Variants in ABTB3 observed in about 807,000 individuals in gnomAD.
ABTB3 encodes ankyrin repeat and BTB domain containing 3, also known as ankyrin repeat- and BTB/POZ domain-containing protein 3.
chr12:107,657,643 C>T, the ABTB3 span: 3 of 1,614,186 alleles, frequency 1.9e-6, no homozygotes, highest in Non-Finnish European at 2.5e-6. Context: ...AGGATGTGCT[C>T]CAGGACTTAC....
chr12:107,442,419 A>G, the ABTB3 span, among the ~76,000 whole-genome samples: 1 of 152,198 alleles, frequency 6.6e-6, no homozygotes, highest in Non-Finnish European at 1.5e-5. Context: ...TGGAAACCGA[A>G]CATTTTTTCG....
At chr12:107,461,560 T>C in the ABTB3 span, among the ~76,000 whole-genome samples, 1 of 93,082 alleles carries the variant, frequency 1.1e-5, no homozygotes, top group African/African-American at 4.4e-5. Flanking sequence ...AAACTACATT[T>C]GCACTGTTTT....
At chr12:107,637,401 A>T in the ABTB3 span, among the ~76,000 whole-genome samples, 570 of 144,282 alleles carry the variant, frequency 4.0e-3, 8 homozygotes, top group East Asian at 0.039. Context: ...CAAAAAATTT[A>T]AAAAAAAAAT....
chr12:107,645,477 C>T, the ABTB3 span, among the ~76,000 whole-genome samples: 6 of 151,978 alleles, frequency 3.9e-5, no homozygotes, highest in African/African-American at 1.5e-4. Flanking sequence ...AGCTGAGGTT[C>T]AAACCCAGGC....
the ABTB3 span, among the ~76,000 whole-genome samples, chr12:107,652,857 C>A: frequency 6.6e-6 from 1 of 152,184 alleles, no homozygotes; most frequent in African/African-American, 2.4e-5. Flanking sequence ...ACAGTTCCAG[C>A]AGGAAACAAT....
chr12:107,497,051 T>C, the ABTB3 span, among the ~76,000 whole-genome samples: 1 of 152,168 alleles, frequency 6.6e-6, no homozygotes, highest in African/African-American at 2.4e-5. Context: ...CCTGGAGATA[T>C]ACATTGTGTG....
chr12:107,328,628 C>T, the ABTB3 span, among the ~76,000 whole-genome samples: 23,980 of 152,188 alleles, frequency 0.16, 2,388 homozygotes, highest in East Asian at 0.31. Flanking sequence ...AATCTCCACA[C>T]TCTTCTTGTG....
the ABTB3 span, among the ~76,000 whole-genome samples, chr12:107,509,375 T>C: frequency 2.6e-5 from 4 of 152,226 alleles, no homozygotes; most frequent in Admixed American, 6.5e-5. Flanking sequence ...GAACGAAGCT[T>C]GAAGTACATG....
At chr12:107,318,789 G>C in the ABTB3 span, 1 of 870,118 alleles carries the variant, frequency 1.1e-6, no homozygotes, top group Non-Finnish European at 1.7e-6. Flanking sequence ...CCGGGAGGCA[G>C]CCGAAAGTAC....
the ABTB3 span, among the ~76,000 whole-genome samples, chr12:107,534,676 G>A: frequency 2.6e-5 from 4 of 152,078 alleles, 1 homozygote. Flanking sequence ...TACACCAACA[G>A]ATTGGAAAGC....
the ABTB3 span, among the ~76,000 whole-genome samples, chr12:107,336,708 C>G: frequency 6.6e-6 from 1 of 152,218 alleles, no homozygotes; most frequent in Admixed American, 6.5e-5. Context: ...TCCAGCACAG[C>G]ATCTGGCACA....
chr12:107,583,871 C>T, the ABTB3 span, among the ~76,000 whole-genome samples: 1 of 152,200 alleles, frequency 6.6e-6, no homozygotes, highest in Non-Finnish European at 1.5e-5. Flanking sequence ...TTTATCTCTT[C>T]ATTCTTGACT....
chr12:107,375,998 C>T, the ABTB3 span, among the ~76,000 whole-genome samples: 1 of 152,172 alleles, frequency 6.6e-6, no homozygotes, highest in African/African-American at 2.4e-5. Flanking sequence ...GGCCCAGGGC[C>T]CTTTTTGCTA....
At chr12:107,419,856 G>A in the ABTB3 span, among the ~76,000 whole-genome samples, 1 of 152,240 alleles carries the variant, frequency 6.6e-6, no homozygotes, top group African/African-American at 2.4e-5. Context: ...ACCAGAGTTA[G>A]GTGAAGAGCA....
At chr12:107,565,466 TCA>T in the ABTB3 span, among the ~76,000 whole-genome samples, 1 of 152,178 alleles carries the variant, frequency 6.6e-6, no homozygotes, top group South Asian at 2.1e-4. Context: ...TCTGTTATTC[TCA>T]CTCTTTAGGG....
the ABTB3 span, chr12:107,319,831 C>T: frequency 1.8e-5 from 23 of 1,249,466 alleles, 1 homozygote; most frequent in South Asian, 3.4e-4. Flanking sequence ...GAGCGGCGAG[C>T]GGCGGCGCCT....
chr12:107,395,959 C>T, the ABTB3 span, among the ~76,000 whole-genome samples: 1 of 152,302 alleles, frequency 6.6e-6, no homozygotes, highest in South Asian at 2.1e-4. Flanking sequence ...GTGGCCTTGT[C>T]CACAGCAGGG....
the ABTB3 span, among the ~76,000 whole-genome samples, chr12:107,462,740 G>T: frequency 6.6e-6 from 1 of 151,452 alleles, no homozygotes; most frequent in Non-Finnish European, 1.5e-5. Flanking sequence ...GATGATGATG[G>T]TGGTGATAGT....
At chr12:107,520,027 T>C in the ABTB3 span, among the ~76,000 whole-genome samples, 1 of 151,836 alleles carries the variant, frequency 6.6e-6, no homozygotes, top group African/African-American at 2.4e-5. Flanking sequence ...AGCCCGACCA[T>C]CCAGAGCTAG....
Sources: allele counts gnomAD v4.1 joint callset (sites outside exome capture counted in the v4.1 genomes callset), GRCh38; gene constraint gnomAD v4.1.1; transcripts MANE v1.5; gene names NCBI Gene and HGNC (gene_info 2026-07-23, HGNC 2026-07-21).